Variants in PPP1R36 observed in about 807,000 individuals in gnomAD.
The protein encoded by PPP1R36 is protein phosphatase 1 regulatory subunit 36.
In PPP1R36, 47 loss-of-function variants were observed where a neutral mutation model predicts 53.4. The observed-to-expected ratio is 0.88, with a 90% CI of 0.70 to 1.12. The LOEUF (loss-of-function observed/expected upper bound fraction) is 1.12. Ranked by LOEUF, PPP1R36 falls within the 50% of genes most tolerant of loss-of-function variation. PPP1R36 has a pLI of 0.00. For missense variants in PPP1R36, 456 were observed against 513.9 expected, an observed-to-expected ratio of 0.89 and a Z score of 1.09; for synonymous variants, 153 against 170.5, an observed-to-expected ratio of 0.90 and a Z score of 0.80.
intron 8 of PPP1R36, among the ~76,000 whole-genome samples, chr14:64,583,896 T>G (rs1596748420): frequency 7.2e-6 from 1 of 139,672 alleles, no homozygotes. Flanking sequence ...TCATGTTACC[T>G]CCTCTTTTTT....
intron 8 of PPP1R36, among the ~76,000 whole-genome samples, chr14:64,583,418 A>G (rs1369306594): frequency 6.6e-6 from 1 of 152,176 alleles, no homozygotes; most frequent in East Asian, 1.9e-4. Flanking sequence ...ACGCATTTCT[A>G]TTTCATATGC....
chr14:64,574,988 T>C lies in PPP1R36; in HGVS notation c.668+399T>C, dbSNP rs865977947. On this transcript the variant is annotated intron_variant, in intron 8 of 11. Transcript: ENST00000298705. ...ACTGCTTATTTTGCAGCAGCAACAA[T>C]TGTGAGTAGGAGCTGCTGAGGTGTG... is the stretch of plus-strand genomic sequence containing the variant. Among the ~76,000 whole-genome samples the C allele has an allele frequency of 3.9e-5, 6 of 152,202 alleles. No homozygotes were observed. In the South Asian group the frequency reaches 8.3e-4, roughly 21 times the overall value.
intron 7 of PPP1R36, among the ~76,000 whole-genome samples, chr14:64,573,605 C>T (rs961048782): frequency 1.3e-4 from 20 of 151,954 alleles, no homozygotes; most frequent in African/African-American, 4.8e-4. Context: ...GGATACATAA[C>T]ATAATCTATT....
In PPP1R36 at chr14:64,552,826, A is replaced by G; in HGVS notation, c.147A>G (p.Glu49=). 6.2e-7 allele frequency: 1 copy of G among 1,613,950 alleles called. No individual in the cohort carries two copies. Among genetic ancestry groups the G allele is most frequent in the South Asian group, 1.1e-5 (1 of 91,086 alleles). Residue 49 remains glutamate (E), a synonymous_variant, in exon 3 of 12, where the codon GAA becomes GAG. Coordinates refer to ENST00000298705, the MANE Select transcript of PPP1R36 (RefSeq NM_172365.3). ...TTTTCTTTCTCAGGTTTGCCGCAGA[A>G]GATTCTGTCCAGTGGCTCCTGAAAC... ...RTLEFRRFAA[E]DSVQWLLKHH... is the part of the protein sequence containing the mutation.
At chr14:64,582,997 T>C (rs761450782) in intron 8 of PPP1R36, among the ~76,000 whole-genome samples, 37 of 150,382 alleles carry the variant, frequency 2.5e-4, no homozygotes, top group Admixed American at 4.6e-4. Flanking sequence ...TCTCAAGCGA[T>C]CCTCCCACCT....
intron 8 of PPP1R36, among the ~76,000 whole-genome samples, chr14:64,576,329 C>A (rs1021860568): frequency 1.3e-5 from 2 of 152,112 alleles, no homozygotes; most frequent in African/African-American, 4.8e-5. Context: ...GATCCACCCA[C>A]CTCAGCCTCC....
chr14:64,565,508 C>T (rs8007313), intron 5 of PPP1R36, 54 bp downstream of exon 5: 1,272,527 of 1,419,572 alleles, frequency 0.9, 571,450 homozygotes, highest in South Asian at 0.95. Flanking sequence ...CATACATACA[C>T]ATATCCATAC....
intron 3 of PPP1R36, among the ~76,000 whole-genome samples, chr14:64,558,843 C>G (rs1259013236): frequency 1.3e-5 from 2 of 151,874 alleles, no homozygotes; most frequent in Non-Finnish European, 2.9e-5. Context: ...ACAATGTTGG[C>G]TAGGTTGGCC....
At chr14:64,576,388 G>A (rs1401996809) in intron 8 of PPP1R36, among the ~76,000 whole-genome samples, 1 of 152,106 alleles carries the variant, frequency 6.6e-6, no homozygotes, top group Non-Finnish European at 1.5e-5. Flanking sequence ...GCCCTAATTC[G>A]TTCTTTAGTT....
rs574022735 is a variant in PPP1R36, at chr14:64,567,076, C to T, written c.435-1273C>T. Among the ~76,000 whole-genome samples, 246 of 152,362 alleles carry T rather than the reference C, an allele frequency of 1.6e-3. 1 individual carries two copies. Among genetic ancestry groups the T allele is most frequent in the Non-Finnish European group, 3.1e-3 (211 of 68,036 alleles). On this transcript the variant is annotated intron_variant, in intron 6 of 11. Coordinates refer to ENST00000298705, the MANE Select transcript of PPP1R36 (RefSeq NM_172365.3). ...CAAGTATTTGGCCCAGTGTCTGTTGCTGGGGGAACCCAGCCTGAGACAGGG... is the reference window on the plus strand; with the variant it reads ...CAAGTATTTGGCCCAGTGTCTGTTGTTGGGGGAACCCAGCCTGAGACAGGG...
chr14:64,570,757 C>T (rs1031086180), intron 7 of PPP1R36, among the ~76,000 whole-genome samples: 2 of 152,084 alleles, frequency 1.3e-5, no homozygotes, highest in Admixed American at 1.3e-4. Context: ...AGCCTACAGC[C>T]GTGAGAGGAA....
At position 64,549,967 on chromosome 14, in the gene PPP1R36, G is replaced by C. The variant is rs1231572129; in HGVS notation, c.-31G>C. 2.4e-5 allele frequency: 37 copies of C among 1,547,254 alleles called. No homozygotes were observed. The highest frequency in any genetic ancestry group is 3.1e-5 in the Non-Finnish European group (36 of 1,143,892). ...GCAGGCGCCTGCGGGCGGTATCCTC[G>C]GCGACGCCGTATGGCTTCCAGGGCG... On this transcript the variant is annotated 5_prime_UTR_variant, in exon 1 of 12. Transcript: ENST00000298705.
At chr14:64,553,869 G>A (rs1004099836) in intron 3 of PPP1R36, among the ~76,000 whole-genome samples, 1 of 151,200 alleles carries the variant, frequency 6.6e-6, no homozygotes, top group African/African-American at 2.4e-5. Context: ...GGACTACGTG[G>A]AGTACACAAA....
intron 2 of PPP1R36, 146 bp from the exon 3 acceptor site, chr14:64,552,668 A>T (rs1386311598): frequency 1.6e-6 from 1 of 617,222 alleles, no homozygotes; most frequent in Non-Finnish European, 2.9e-6. Flanking sequence ...ATATAATGAC[A>T]TGTTTCATGA....
At chr14:64,551,625 A>G (rs1170392166) in intron 2 of PPP1R36, 5 of 456,142 alleles carry the variant, frequency 1.1e-5, no homozygotes, top group African/African-American at 2.0e-5. Context: ...TAATGTCCTC[A>G]TTTTATAGAT....
intron 8 of PPP1R36, 117 bp downstream of exon 8, chr14:64,574,706 G>C (rs1427181614): frequency 4.5e-6 from 5 of 1,121,566 alleles, no homozygotes; most frequent in Non-Finnish European, 6.4e-6. Context: ...GTTGTCCAGA[G>C]TAATTGGGCT....
chr14:64,587,448 C>CCTTT (rs2080444003), intron 10 of PPP1R36, 76 bp downstream of exon 10: 1 of 104,682 alleles, frequency 9.6e-6, no homozygotes, highest in African/African-American at 7.1e-5. Context: ...CTTTTTTCTC[C>CCTTT]TTTTTTTTTT....
chr14:64,588,363 G>T, intron 11 of PPP1R36, 68 bp downstream of exon 11: 1 of 1,409,600 alleles, frequency 7.1e-7, no homozygotes, highest in Non-Finnish European at 9.7e-7. Flanking sequence ...GGAAGGGGCA[G>T]GGGCCCAGGC....
intron 2 of PPP1R36, chr14:64,552,579 A>C (rs1244057448): frequency 5.7e-6 from 2 of 351,534 alleles, no homozygotes; most frequent in East Asian, 9.5e-5. Context: ...CTGTTGGACA[A>C]ATGGGGGCTG....
Sources: gnomAD v4.1 joint callset for allele counts (sites outside exome capture counted in the v4.1 genomes callset) on GRCh38, gnomAD v4.1.1 for gene constraint, MANE v1.5 for transcripts, NCBI Gene and HGNC (gene_info 2026-07-23, HGNC 2026-07-21) for gene names.